The following CFAP43 variants were observed in gnomAD, a reference collection of about 807,000 sequenced individuals.
CFAP43 encodes cilia- and flagella-associated protein 43.
CFAP43 carries 155 observed loss-of-function variants against 218.9 expected under a neutral mutation model. The ratio of observed to expected loss-of-function variants is 0.71; its 90% CI spans 0.62 to 0.81. The LOEUF is 0.81. Among genes scored for constraint, CFAP43 ranks in the 30% least tolerant of loss-of-function variants. CFAP43 has a pLI of 0.00. For missense variants in CFAP43, 1,778 were observed against 1,954.3 expected (o/e 0.91, Z 1.70); for synonymous variants, 645 against 681.3 (o/e 0.95, Z 0.83).
At position 104,131,578 on chromosome 10, in the gene CFAP43, A is replaced by G. The variant is rs2087196465; in HGVS notation, c.4678-94T>C. ...ATTATTCTTATATTTTAAATACATTATCATCATTAAGATAACATCTTACCG... is the reference window on the plus strand; with the variant it reads ...ATTATTCTTATATTTTAAATACATTGTCATCATTAAGATAACATCTTACCG... On this transcript the variant is annotated intron_variant, in intron 36 of 37. Transcript: ENST00000357060. The G allele has an allele frequency of 3.0e-5, 40 of 1,332,600 alleles. No individual in the cohort carries two copies. The South Asian group carries it at 5.2e-4, about 17-fold the overall frequency. 82.5% of individuals were successfully genotyped at this position (1,332,600 alleles called of 1,614,324 possible). A position where few individuals can be genotyped will look rare whatever the true frequency, so the allele number is the denominator to read the frequency against.
At chr10:104,141,106 G>C (rs1342213516) in intron 33 of CFAP43, 105 bp from the exon 34 acceptor site, 1 of 1,146,982 alleles carries the variant, frequency 8.7e-7, no homozygotes, top group Non-Finnish European at 1.2e-6. Flanking sequence ...ACATGCTGGA[G>C]ATTAGTGTGG....
At position 104,232,303 on chromosome 10, in the gene CFAP43, C is replaced by T; in HGVS notation, c.-57G>A. ...GCGCACGCAGCACCCCAGGGCGGGTCGGTTACCTTTCCGCCGCCGCGGGGC... is the reference window on the plus strand; with the variant it reads ...GCGCACGCAGCACCCCAGGGCGGGTTGGTTACCTTTCCGCCGCCGCGGGGC... On this transcript the variant is annotated 5_prime_UTR_variant, in exon 1 of 38. Transcript: ENST00000357060. 2 of 1,486,454 alleles carry T rather than the reference C, an allele frequency of 1.3e-6. No individual in the cohort carries two copies. Among genetic ancestry groups the T allele is most frequent in the Non-Finnish European group, 1.8e-6 (2 of 1,118,732 alleles). The allele number at this position is 1,486,454 out of a possible 1,614,324, so 92.1% of individuals were successfully genotyped here.
intron 21 of CFAP43, 33 bp from the exon 22 acceptor site, chr10:104,167,770 C>T (rs753218040): frequency 3.9e-6 from 6 of 1,526,164 alleles, no homozygotes; most frequent in East Asian, 2.3e-5. Flanking sequence ...AAAATAAATC[C>T]ATTTGTAGTA....
At chr10:104,211,120 T>C (rs647037) in intron 5 of CFAP43, among the ~76,000 whole-genome samples, 31,394 of 152,016 alleles carry the variant, frequency 0.21, 3,332 homozygotes, top group South Asian at 0.24. Flanking sequence ...TTAGCTTAAG[T>C]GTCATCTCCC....
chr10:104,149,497 G>A lies in CFAP43; in HGVS notation c.3661-1499C>T, dbSNP rs1479295935. On this transcript the variant is annotated intron_variant, in intron 28 of 37. Transcript: ENST00000357060. ...AATACTTGATGCTTTCCCTTTATCA[G>A]TTTTTAGATAATGAATTTGTTTTCA... is the stretch of plus-strand genomic sequence containing the variant. 5.3e-5 allele frequency among the ~76,000 whole-genome samples: 8 copies of A among 152,288 alleles called. 1 individual carries two copies. The South Asian group carries it at 1.4e-3, about 28-fold the overall frequency.
intron 11 of CFAP43, 40 bp from the exon 12 acceptor site, chr10:104,192,342 T>A (rs545481337): frequency 2.0e-6 from 3 of 1,476,652 alleles, no homozygotes; most frequent in Middle Eastern, 1.8e-4. Context: ...CCCAATTGTT[T>A]CACCAGCTAG....
intron 34 of CFAP43, among the ~76,000 whole-genome samples, chr10:104,134,924 A>G (rs1397654002): frequency 3.6e-4 from 55 of 152,318 alleles, no homozygotes; most frequent in Non-Finnish European, 4.4e-5. Context: ...AAGACATCAC[A>G]AGAAAATTAC....
At chr10:104,216,476 C>T (rs2091014776) in intron 3 of CFAP43, among the ~76,000 whole-genome samples, 1 of 152,204 alleles carries the variant, frequency 6.6e-6, no homozygotes, top group African/African-American at 2.4e-5. Context: ...CCCACCTGTG[C>T]CTCGCCTCAC....
At chr10:104,156,021 T>A (rs1368661088) in intron 27 of CFAP43, among the ~76,000 whole-genome samples, 1 of 152,012 alleles carries the variant, frequency 6.6e-6, no homozygotes, top group African/African-American at 2.4e-5. Context: ...GAAAAGCAGC[T>A]ACTTTGAAAT....
Position 104,131,473 on chromosome 10 carries a change from CT to C in CFAP43, c.4688del (p.Lys1563ArgfsTer22). 5.0e-6 allele frequency: 8 copies of C among 1,606,974 alleles called. No individual in the cohort carries two copies. The South Asian group carries it at 7.9e-5, about 16-fold the overall frequency. On this transcript the variant is annotated frameshift_variant, in exon 37 of 38. Coordinates refer to ENST00000357060, the MANE Select transcript of CFAP43 (RefSeq NM_025145.7). LOFTEE classifies it high-confidence loss of function. ...GTAGTTTCTTGCAGTTTTCCACATT[CT>C]TTTTGTGCATCTGAAATTTTTGTTC... ...TIAVLDKMHKKNVENCKKLLK... is the reference protein window; with the variant it reads ...TIAVLDKMHKXNVENCKKLLK...
intron 28 of CFAP43, among the ~76,000 whole-genome samples, chr10:104,150,735 T>C (rs952585989): frequency 6.6e-6 from 1 of 152,184 alleles, no homozygotes; most frequent in Non-Finnish European, 1.5e-5. Flanking sequence ...CATTATTCTC[T>C]TTTTTTAACT....
chr10:104,220,107 C>A (rs1439261495), intron 3 of CFAP43, among the ~76,000 whole-genome samples: 1 of 152,178 alleles, frequency 6.6e-6, no homozygotes, highest in South Asian at 2.1e-4. Context: ...GAGACAGACA[C>A]ACACAGGGAG....
chr10:104,167,250 A>T (rs1469315805), intron 22 of CFAP43, among the ~76,000 whole-genome samples: 1 of 152,174 alleles, frequency 6.6e-6, no homozygotes, highest in Non-Finnish European at 1.5e-5. Context: ...TTCCATCAAA[A>T]CAAATTCTAC....
At chr10:104,162,847 G>C (rs1021152474) in intron 24 of CFAP43, among the ~76,000 whole-genome samples, 1 of 152,036 alleles carries the variant, frequency 6.6e-6, no homozygotes, top group African/African-American at 2.4e-5. Flanking sequence ...GGAGGCTCGT[G>C]GGCTTTATCC....
At chr10:104,192,165 A>T (rs1326407412) in intron 12 of CFAP43, 34 bp downstream of exon 12, 1 of 1,442,000 alleles carries the variant, frequency 6.9e-7, no homozygotes, top group Non-Finnish European at 9.6e-7. Context: ...TGAAATAATC[A>T]ATATTTTAAA....
chr10:104,214,064 C>A (rs549686334), intron 4 of CFAP43, among the ~76,000 whole-genome samples, 195 bp downstream of exon 4: 29 of 152,242 alleles, frequency 1.9e-4, no homozygotes, highest in African/African-American at 6.7e-4. Flanking sequence ...TTTTGAAATG[C>A]AAACAACCAC....
chr10:104,141,895 A>C lies in CFAP43; in HGVS notation c.4271+386T>G, dbSNP rs1054346972. Among the ~76,000 whole-genome samples, 7 of 152,186 alleles carry C rather than the reference A, an allele frequency of 4.6e-5. 1 individual carries two copies. The highest frequency in any genetic ancestry group is 1.3e-4 in the Admixed American group (2 of 15,270). On this transcript the variant is annotated intron_variant, in intron 33 of 37. Coordinates refer to ENST00000357060, the MANE Select transcript of CFAP43 (RefSeq NM_025145.7). Reference sequence around the variant, plus strand: ...AAACAACAAGTTCCCCTAAAGAAAAATATATCAGTTGGCTGCGTGTCTACA... The same window carrying C: ...AAACAACAAGTTCCCCTAAAGAAAACTATATCAGTTGGCTGCGTGTCTACA...
At chr10:104,142,451 A>G (rs558425144) in intron 32 of CFAP43, 58 bp from the exon 33 acceptor site, 27 of 1,319,252 alleles carry the variant, frequency 2.0e-5, no homozygotes, top group Admixed American at 1.1e-4. Flanking sequence ...TTTAGACAAC[A>G]TACATCTTTT....
intron 12 of CFAP43, among the ~76,000 whole-genome samples, chr10:104,191,555 C>A (rs2090216454): frequency 6.6e-6 from 1 of 152,078 alleles, no homozygotes; most frequent in Non-Finnish European, 1.5e-5. Context: ...TCTGAGCCTA[C>A]ACAGTATCTG....
Sources: allele counts gnomAD v4.1 joint callset (sites outside exome capture counted in the v4.1 genomes callset), GRCh38; gene constraint gnomAD v4.1.1; transcripts MANE v1.5; gene names NCBI Gene and HGNC (gene_info 2026-07-23, HGNC 2026-07-21).